The following NRDC variants were observed in gnomAD, a reference collection of about 807,000 sequenced individuals.
NRDC encodes the protein nardilysin.
A neutral mutation model predicts 147.1 loss-of-function variants in NRDC; 54 were observed. The ratio of observed to expected loss-of-function variants is 0.37; its 90% CI spans 0.29 to 0.46. The LOEUF (loss-of-function observed/expected upper bound fraction) is 0.46. Ranked by LOEUF, NRDC falls within the 20% of genes least tolerant of loss-of-function variation. The pLI is 1.00. For synonymous variants in NRDC, 440 were observed against 482.1 expected, an observed-to-expected ratio of 0.91 and a Z score of 1.14; for missense variants, 1,082 against 1,370.6, an observed-to-expected ratio of 0.79 and a Z score of 3.33.
chr1:51,818,547 G>A (rs1333038727), intron 9 of NRDC, among the ~76,000 whole-genome samples: 1 of 152,198 alleles, frequency 6.6e-6, no homozygotes, highest in Admixed American at 6.5e-5. Flanking sequence ...AAATGAGTTA[G>A]TTGGGTTAAA....
rs564553890 is a variant in NRDC at position 51,823,820 on chromosome 1, T to C, written c.1037-34A>G. 2.7e-6 allele frequency: 4 copies of C among 1,497,612 alleles called. No individual in the cohort carries two copies. The South Asian group carries it at 5.0e-5, about 19-fold the overall frequency. 92.8% of individuals were successfully genotyped at this position (1,497,612 alleles called of 1,614,324 possible). A position where few individuals can be genotyped will look rare whatever the true frequency, so the allele number is the denominator to read the frequency against. The stretch of plus-strand genomic sequence containing the variant: ...GAATGAAAAAAATTATAGATATAAC[T>C]AAGTTAACTTTGTTAAAAGTCTTCT... On this transcript the variant is annotated intron_variant, in intron 6 of 30. Coordinates refer to ENST00000352171, the MANE Select transcript of NRDC (RefSeq NM_001101662.2).
chr1:51,790,459 G>T (rs923634689), intron 29 of NRDC, 74 bp downstream of exon 29: 3 of 893,244 alleles, frequency 3.4e-6, no homozygotes, highest in African/African-American at 3.3e-5. Flanking sequence ...ATGCTGGTGT[G>T]CACAGACCTG....
intron 1 of NRDC, among the ~76,000 whole-genome samples, chr1:51,849,489 T>C (rs1465396389): frequency 6.6e-6 from 1 of 151,656 alleles, no homozygotes; most frequent in Non-Finnish European, 1.5e-5. Flanking sequence ...CTAAAATTCA[T>C]GTGGACCAAA....
At chr1:51,815,360 G>A in intron 11 of NRDC, among the ~76,000 whole-genome samples, 1 of 151,966 alleles carries the variant, frequency 6.6e-6, no homozygotes, top group Admixed American at 6.6e-5. Context: ...GAAGCCTTAA[G>A]ACACTTCTAA....
chr1:51,832,245 C>T (rs556564012), intron 4 of NRDC, among the ~76,000 whole-genome samples: 1 of 152,116 alleles, frequency 6.6e-6, no homozygotes, highest in South Asian at 2.1e-4. Context: ...CAGGGTTTCA[C>T]CGTGTTGGCC....
chr1:51,868,260 G>A (rs1363601355), intron 1 of NRDC, among the ~76,000 whole-genome samples: 1 of 152,084 alleles, frequency 6.6e-6, no homozygotes, highest in African/African-American at 2.4e-5. Context: ...GGCCACACAA[G>A]AGTCACTAAC....
chr1:51,850,338 A>T (rs75090857), intron 1 of NRDC, among the ~76,000 whole-genome samples: 29,916 of 152,038 alleles, frequency 0.2, 3,923 homozygotes, highest in Non-Finnish European at 0.28. Flanking sequence ...TTACTACCAC[A>T]ACTCAACAAA....
chr1:51,819,821 C>T lies in NRDC; in HGVS notation c.1270G>A (p.Ala424Thr), dbSNP rs1409465028. 6.2e-7 allele frequency: 1 copy of T among 1,607,054 alleles called. No homozygotes were observed. The highest frequency in any genetic ancestry group is 8.5e-7 in the Non-Finnish European group (1 of 1,176,350). ...AAACCTCTATAAAGTTTGTTAAATG[C>T]TGGTGTGTCAAATGGATCCGTTAAA... ...GHLTDPFDTP[A>T]FNKLYRVVPI... Residue 424 changes from alanine (A) to threonine (T), a missense_variant, in exon 9 of 31, where the codon GCA becomes ACA. Physicochemically the swap from Ala to Thr is moderately conservative, Grantham distance 58. This residue lies in a region of NRDC where 635 missense variants were observed against 923.8 expected (regional missense o/e 0.69). Transcript: ENST00000352171.
intron 4 of NRDC, among the ~76,000 whole-genome samples, chr1:51,828,432 G>A (rs2149213812): frequency 6.6e-6 from 1 of 152,006 alleles, no homozygotes; most frequent in Non-Finnish European, 1.5e-5. Flanking sequence ...TACTTTTTTA[G>A]TTCAATGCAA....
chr1:51,820,292 T>C (rs1237586683), intron 8 of NRDC, among the ~76,000 whole-genome samples: 2 of 152,208 alleles, frequency 1.3e-5, no homozygotes, highest in African/African-American at 4.8e-5. Context: ...ACTGTGGTAT[T>C]TAAAAGACTT....
intron 15 of NRDC, among the ~76,000 whole-genome samples, chr1:51,811,225 A>G (rs919117885): frequency 3.9e-5 from 6 of 152,174 alleles, no homozygotes; most frequent in Non-Finnish European, 5.9e-5. Context: ...TAGTTTAGGA[A>G]CGTCTATGCT....
intron 11 of NRDC, 117 bp downstream of exon 11, chr1:51,816,195 T>C (rs1320684294): frequency 2.1e-6 from 1 of 465,286 alleles, no homozygotes; most frequent in African/African-American, 2.0e-5. Flanking sequence ...AATTAAGCAT[T>C]AAATTTTATT....
At chr1:51,857,612 TTC>T (rs1194710351) in intron 1 of NRDC, among the ~76,000 whole-genome samples, 2 of 152,198 alleles carry the variant, frequency 1.3e-5, no homozygotes, top group Non-Finnish European at 2.9e-5. Context: ...CTCGACAGAT[TTC>T]TGTTTGGAAC....
In NRDC at chr1:51,814,744, C is replaced by T. The variant is rs373002906; in HGVS notation, c.1509G>A (p.Val503=). ...TGFEQNSTYS[V]FSISITLTDE... The stretch of plus-strand genomic sequence containing the variant: ...CAGTCAATGTAATAGAAATGCTGAA[C>T]ACTGAATAAGTAGAATTTTGCTCAA... The change falls in exon 12 of 31, where the codon GTG becomes GTA. Residue 503 remains valine, a synonymous_variant. Transcript: ENST00000352171. 1 of 1,611,856 alleles carries T rather than the reference C, an allele frequency of 6.2e-7. No individual in the cohort carries two copies. The highest frequency in any genetic ancestry group is 8.5e-7 in the Non-Finnish European group (1 of 1,179,310).
chr1:51,850,951 C>T (rs994931778), intron 1 of NRDC, among the ~76,000 whole-genome samples: 14 of 152,136 alleles, frequency 9.2e-5, no homozygotes, highest in African/African-American at 3.1e-4. Context: ...GAGCCAACTC[C>T]GGTTTGGTTC....
chr1:51,860,951 CTT>C (rs528761936), intron 1 of NRDC, among the ~76,000 whole-genome samples: 26 of 139,392 alleles, frequency 1.9e-4, no homozygotes, highest in Admixed American at 2.9e-4. Flanking sequence ...GGTATTACTT[CTT>C]TTTTTTTTTT....
intron 7 of NRDC, among the ~76,000 whole-genome samples, chr1:51,822,663 C>CA (rs1375077790): frequency 7.2e-5 from 11 of 152,120 alleles, no homozygotes; most frequent in Non-Finnish European, 1.5e-4. Flanking sequence ...TCAAGAAAAA[C>CA]ACATGGAATT....
intron 1 of NRDC, among the ~76,000 whole-genome samples, chr1:51,870,799 A>C: frequency 6.7e-6 from 1 of 149,416 alleles, no homozygotes; most frequent in Admixed American, 6.6e-5. Flanking sequence ...TTAGTAATTA[A>C]TAATTACTAA....
At chr1:51,864,797 C>G (rs1036981345) in intron 1 of NRDC, among the ~76,000 whole-genome samples, 1 of 151,790 alleles carries the variant, frequency 6.6e-6, no homozygotes, top group South Asian at 2.1e-4. Context: ...GCTAAAAATA[C>G]AAAAATTAGC....
Sources: gnomAD v4.1 joint callset for allele counts (sites outside exome capture counted in the v4.1 genomes callset) on GRCh38, gnomAD v4.1.1 for gene constraint, gnomAD v4.1.1 regional missense constraint, MANE v1.5 for transcripts, NCBI Gene and HGNC (gene_info 2026-07-23, HGNC 2026-07-21) for gene names.